The following CCDC195 variants were observed in gnomAD, a reference collection of about 807,000 sequenced individuals.
CCDC195 encodes the protein coiled-coil domain-containing protein 195.
intron 1 of CCDC195, among the ~76,000 whole-genome samples, chr2:224,710,634 G>C (rs1002264523): frequency 6.6e-6 from 1 of 152,216 alleles, no homozygotes; most frequent in Non-Finnish European, 1.5e-5. Flanking sequence ...GGGAAACTTC[G>C]TCTCAAACAA....
At chr2:224,706,886 T>TGG (rs200848214) in intron 2 of CCDC195, among the ~76,000 whole-genome samples, 1,687 of 148,172 alleles carry the variant, frequency 0.011, 32 homozygotes, top group African/African-American at 0.039. Context: ...TGTGTGTCTG[T>TGG]GTGTATATAT....
intron 2 of CCDC195, among the ~76,000 whole-genome samples, chr2:224,708,080 C>A (rs1321059673): frequency 6.7e-6 from 1 of 149,376 alleles, no homozygotes; most frequent in Non-Finnish European, 1.5e-5. Flanking sequence ...GTCTCGAACT[C>A]CTGGGCTCAA....
intron 1 of CCDC195, among the ~76,000 whole-genome samples, chr2:224,710,840 A>C (rs1689311876): frequency 6.6e-6 from 1 of 152,192 alleles, no homozygotes; most frequent in South Asian, 2.1e-4. Flanking sequence ...TAGGAAGGCA[A>C]ATAAGGCTGA....
chr2:224,707,586 A>G (rs1047906435), intron 2 of CCDC195, among the ~76,000 whole-genome samples: 1 of 152,148 alleles, frequency 6.6e-6, no homozygotes, highest in African/African-American at 2.4e-5. Flanking sequence ...TTGCTTTGGT[A>G]CTTAACACCG....
intron 1 of CCDC195, among the ~76,000 whole-genome samples, chr2:224,715,085 C>T (rs182711038): frequency 3.9e-4 from 60 of 152,144 alleles, no homozygotes; most frequent in Admixed American, 2.5e-3. Flanking sequence ...TGCGCCACCA[C>T]GCCTGACTAA....
chr2:224,708,640 G>T (rs927794972), intron 2 of CCDC195, among the ~76,000 whole-genome samples: 1 of 152,182 alleles, frequency 6.6e-6, no homozygotes, highest in Non-Finnish European at 1.5e-5. Flanking sequence ...CATCCTGTGG[G>T]AAGTCCAGTG....
intron 1 of CCDC195, among the ~76,000 whole-genome samples, chr2:224,712,981 G>A (rs894607226): frequency 2.6e-5 from 4 of 152,026 alleles, no homozygotes; most frequent in Non-Finnish European, 4.4e-5. Context: ...CGGTTCTCCT[G>A]CCTCAACCTC....
Position 224,712,975 on chromosome 2 carries a change from T to G in CCDC195, c.236-2756A>C, listed in dbSNP as rs546578119. ...CTTCCGCCTCCCGGGTTCAAGCGGT[T>G]CTCCTGCCTCAACCTCCCGAGTAGC... On this transcript the variant is annotated intron_variant, in intron 1 of 2. Transcript: ENST00000638102. 5.3e-5 allele frequency among the ~76,000 whole-genome samples: 8 copies of G among 152,174 alleles called. No individual in the cohort carries two copies. The South Asian group carries it at 1.5e-3, about 28-fold the overall frequency.
chr2:224,709,897 C>T, intron 2 of CCDC195, 76 bp downstream of exon 2: 1 of 398,224 alleles, frequency 2.5e-6, no homozygotes, highest in Non-Finnish European at 4.4e-6. Flanking sequence ...GATAAGACTT[C>T]ATTTATCCAG....
At chr2:224,706,275 G>A (rs534300468) in intron 2 of CCDC195, among the ~76,000 whole-genome samples, 7 of 119,688 alleles carry the variant, frequency 5.8e-5, no homozygotes, top group South Asian at 2.9e-4. Context: ...GCCCAATGTC[G>A]GCTCACTGCA....
At chr2:224,710,444 C>T (rs184375452) in intron 1 of CCDC195, among the ~76,000 whole-genome samples, 79 of 152,314 alleles carry the variant, frequency 5.2e-4, no homozygotes, top group African/African-American at 1.7e-3. Flanking sequence ...CGATGGTGAC[C>T]ATCCTGGCCA....
chr2:224,703,962 C>T (rs535815784), intron 2 of CCDC195, 75 bp from the exon 3 acceptor site: 3 of 397,242 alleles, frequency 7.6e-6, no homozygotes. Context: ...GATTTTTCCC[C>T]CCAATCACCA....
At chr2:224,707,998 CCCTT>C (rs1689246226) in intron 2 of CCDC195, among the ~76,000 whole-genome samples, 2 of 43,642 alleles carry the variant, frequency 4.6e-5, no homozygotes, top group Non-Finnish European at 8.4e-5. Context: ...CTCCCTCCCT[CCCTT>C]CCTTCCTTTC....
chr2:224,706,975 G>A (rs1689209055), intron 2 of CCDC195, among the ~76,000 whole-genome samples: 2 of 148,948 alleles, frequency 1.3e-5, no homozygotes, highest in African/African-American at 2.5e-5. Context: ...TTCCTTCTTT[G>A]AAGACACATG....
intron 2 of CCDC195, among the ~76,000 whole-genome samples, chr2:224,706,189 C>CTT (rs201012911): frequency 0.061 from 2,037 of 33,240 alleles, 813 homozygotes; most frequent in East Asian, 0.11. Flanking sequence ...TATTTTGTAA[C>CTT]TTTTTTTTTT....
intron 1 of CCDC195, among the ~76,000 whole-genome samples, chr2:224,712,443 A>C (rs1422852352): frequency 1.3e-5 from 2 of 152,368 alleles, no homozygotes; most frequent in Non-Finnish European, 2.9e-5. Flanking sequence ...TGTTTCCATG[A>C]GCATTTACCC....
At chr2:224,705,557 G>C (rs1226374712) in intron 2 of CCDC195, among the ~76,000 whole-genome samples, 1 of 152,140 alleles carries the variant, frequency 6.6e-6, no homozygotes, top group Non-Finnish European at 1.5e-5. Context: ...CAAACAAATT[G>C]GTTCTTGATA....
At position 224,715,771 on chromosome 2, in the gene CCDC195, A is replaced by G. The variant is rs116815310; in HGVS notation, c.235+360T>C. Among the ~76,000 whole-genome samples the G allele has an allele frequency of 6.4e-3, 977 of 152,278 alleles. 12 individuals carry two copies. The highest frequency in any genetic ancestry group is 0.013 in the Admixed American group (192 of 15,298). ...GTGTGCAGTACTGTTCCAGCCTTATAAGTGTGCGTGCCATTTGACATACAC... is the reference window on the plus strand; with the variant it reads ...GTGTGCAGTACTGTTCCAGCCTTATGAGTGTGCGTGCCATTTGACATACAC... On this transcript the variant is annotated intron_variant, in intron 1 of 2. Coordinates refer to ENST00000638102, the Ensembl canonical transcript of CCDC195.
chr2:224,706,594 T>C (rs1235117791), intron 2 of CCDC195, among the ~76,000 whole-genome samples: 8 of 148,522 alleles, frequency 5.4e-5, no homozygotes, highest in Non-Finnish European at 1.5e-5. Context: ...CACTGCAAAC[T>C]GTGCCTCCCA....
Sources: gnomAD v4.1 joint callset for allele counts (sites outside exome capture counted in the v4.1 genomes callset) on GRCh38, gnomAD v4.1.1 for gene constraint, MANE v1.5 for transcripts, NCBI Gene and HGNC (gene_info 2026-07-23, HGNC 2026-07-21) for gene names.